The following ZNF75D variants were observed in gnomAD, a reference collection of about 807,000 sequenced individuals.
The protein encoded by ZNF75D is zinc finger protein 75D.
Under a neutral mutation model 33.3 loss-of-function variants are expected in ZNF75D, and 33 were observed. That is an observed-to-expected ratio of 0.99 (90% CI 0.75 to 1.32). The LOEUF (loss-of-function observed/expected upper bound fraction) is 1.32. ZNF75D is among the 40% of genes most tolerant of loss of function. The pLI is 0.00. For missense variants in ZNF75D, 338 were observed against 367.5 expected, an observed-to-expected ratio of 0.92 and a Z score of 0.66; for synonymous variants, 113 against 130.6, an observed-to-expected ratio of 0.87 and a Z score of 0.92.
intron 1 of ZNF75D, among the ~76,000 whole-genome samples, chrX:135,257,385 T>C (rs2083808782): frequency 8.9e-6 from 1 of 112,572 alleles, no homozygotes; most frequent in Non-Finnish European, 1.9e-5. Context: ...CTGACAGAAC[T>C]CCCCATGGAC....
In ZNF75D at chrX:135,287,479, T is replaced by C. The variant is rs367866888; in HGVS notation, c.1191A>G (p.Gln397=). The C allele has an allele frequency of 3.3e-5, 40 of 1,210,793 alleles. No homozygotes were observed. Among genetic ancestry groups the C allele is most frequent in the Non-Finnish European group, 4.4e-5 (39 of 894,728 alleles). The stretch of plus-strand genomic sequence containing the variant: ...AACTCCATCTAAACCTCCTGTCACA[T>C]TGTTGACATTTATAGGGTTTCTCTC... The part of the protein sequence containing the change: ...HTGEKPYKCQ[Q]CDRRFRWSSD... Residue 397 remains glutamine (Q), a synonymous_variant, in exon 7 of 7, where the codon CAA becomes CAG. Transcript: ENST00000370766.
intron 1 of ZNF75D, among the ~76,000 whole-genome samples, chrX:135,271,310 A>T (rs2083882291): frequency 8.9e-6 from 1 of 112,212 alleles, no homozygotes; most frequent in Non-Finnish European, 1.9e-5. Context: ...TGTGGCTCTC[A>T]TAGCATGACT....
chrX:135,275,639 C>CTA (rs1331101152), intron 1 of ZNF75D, among the ~76,000 whole-genome samples: 13 of 109,903 alleles, frequency 1.2e-4, no homozygotes, highest in Non-Finnish European at 1.9e-4. Flanking sequence ...ACATATAAAA[C>CTA]TATATATATA....
At chrX:135,303,905 A>G (rs1162617050) in intron 1 of ZNF75D, among the ~76,000 whole-genome samples, 2 of 112,756 alleles carry the variant, frequency 1.8e-5, no homozygotes, top group Non-Finnish European at 3.8e-5. Flanking sequence ...CAACTCTTTT[A>G]AAGTTAATCC....
chrX:135,274,269 G>A lies in ZNF75D; in HGVS notation n.828-18492C>T, dbSNP rs139922559. 7.9e-4 allele frequency among the ~76,000 whole-genome samples: 89 copies of A among 112,049 alleles called. No individual in the cohort carries two copies. The East Asian group carries it at 0.024, about 31-fold the overall frequency. ...GTCTACGCAATTTTCAAGTTCACAT[G>A]ACTTAAGTGTAACTTTACTAAACAT... On this transcript the variant is annotated intron_variant and non_coding_transcript_variant, in intron 1 of 3. Coordinates refer to the ZNF75D transcript ENST00000494295.
intron 1 of ZNF75D, among the ~76,000 whole-genome samples, chrX:135,266,140 A>T (rs1390950444): frequency 2.7e-5 from 3 of 111,794 alleles, no homozygotes; most frequent in South Asian, 3.7e-4. Flanking sequence ...CAAAAATAAA[A>T]TGCAAGAAAT....
At chrX:135,264,988 A>G (rs1406100010) in intron 1 of ZNF75D, among the ~76,000 whole-genome samples, 2 of 112,401 alleles carry the variant, frequency 1.8e-5, no homozygotes, top group Non-Finnish European at 3.8e-5. Context: ...TGGGAGGCCA[A>G]GGCGGGCAGA....
In ZNF75D at chrX:135,295,927, C is replaced by G. The variant is rs781933525; in HGVS notation, c.-278G>C. 2 of 111,245 alleles carry G rather than the reference C, an allele frequency of 1.8e-5. No individual in the cohort carries two copies. Among genetic ancestry groups the G allele is most frequent in the Admixed American group, 1.9e-4 (2 of 10,516 alleles). The allele number at this position is 111,245 out of a possible 1,213,427, so 9.2% of individuals were successfully genotyped here. ...CGTCAGGAAAGCGCGGGATGCCTGG[C>G]GAGTGAAGCTCCAAGATGTGGGGAG... On this transcript the variant is annotated 5_prime_UTR_variant, in exon 2 of 7. Coordinates refer to ENST00000370766, the MANE Select transcript of ZNF75D (RefSeq NM_007131.5).
chrX:135,340,379 A>G (rs1414068952), intron 1 of ZNF75D, among the ~76,000 whole-genome samples: 2 of 111,965 alleles, frequency 1.8e-5, no homozygotes, highest in East Asian at 2.8e-4. Flanking sequence ...CAAATCCCCA[A>G]AATTATAAGT....
rs1200060567 is a variant in ZNF75D at position 135,342,135 on chromosome X, G to T, written c.-758C>A. The T allele has an allele frequency of 8.9e-6, 1 of 112,019 alleles. No individual in the cohort carries two copies. Among genetic ancestry groups the T allele is most frequent in the South Asian group, 3.7e-4 (1 of 2,705 alleles). The allele number at this position is 112,019 out of a possible 1,213,427, so 9.2% of individuals were successfully genotyped here. A position where few individuals can be genotyped will look rare whatever the true frequency, so the allele number is the denominator to read the frequency against. ...CAACACACTAGTCTGTTACACTGATGACATGCTAATTAGACCTAGTGAACA... is the reference window on the plus strand; with the variant it reads ...CAACACACTAGTCTGTTACACTGATTACATGCTAATTAGACCTAGTGAACA... On this transcript the variant is annotated 5_prime_UTR_variant, in exon 1 of 7. It introduces an in-frame stop codon into an upstream open reading frame of the 5' UTR. Coordinates refer to ENST00000370766, the MANE Select transcript of ZNF75D (RefSeq NM_007131.5).
rs782562753 is a variant in ZNF75D at position 135,294,530 on chromosome X, G to A, written c.-118-272C>T. On this transcript the variant is annotated intron_variant, in intron 2 of 6. Transcript: ENST00000370766. ...CCTGTTTTTTTTTTTAACAGTTGAG[G>A]AAAGATTGGTGGGTGAGAAAACTGG... Among the ~76,000 whole-genome samples, 49 of 110,592 alleles carry A rather than the reference G, an allele frequency of 4.4e-4. 1 individual carries two copies. In the Middle Eastern group the frequency reaches 0.018, roughly 42 times the overall value.
chrX:135,261,387 G>T (rs1449368503), intron 1 of ZNF75D, among the ~76,000 whole-genome samples: 1 of 111,831 alleles, frequency 8.9e-6, no homozygotes, highest in Non-Finnish European at 1.9e-5. Context: ...GTCTAATATT[G>T]ACAGTGGGGT....
intron 1 of ZNF75D, among the ~76,000 whole-genome samples, chrX:135,263,679 A>G (rs2083851952): frequency 8.9e-6 from 1 of 112,757 alleles, no homozygotes; most frequent in African/African-American, 3.2e-5. Flanking sequence ...GGAAAAGTAC[A>G]GTATTTGGGC....
chrX:135,287,270 T>C lies in ZNF75D; in HGVS notation c.1400A>G (p.His467Arg). The C allele has an allele frequency of 8.3e-7, 1 of 1,211,924 alleles. No individual in the cohort carries two copies. Among genetic ancestry groups the C allele is most frequent in the Non-Finnish European group, 1.1e-6 (1 of 895,401 alleles). Reference protein sequence around the residue: ...RFIQNSHLIKHQRTHTGEQPY... With the variant: ...RFIQNSHLIKRQRTHTGEQPY... Reference sequence around the variant, plus strand: ...CTGCTCACCTGTGTGAGTTCTCTGGTGTTTAATAAGGTGGGAGTTCTGAAT... The same window carrying C: ...CTGCTCACCTGTGTGAGTTCTCTGGCGTTTAATAAGGTGGGAGTTCTGAAT... The change falls in exon 7 of 7, where the codon CAC becomes CGC. Residue 467 changes from histidine (H) to arginine (R), a missense_variant. His to Arg is a conservative substitution (Grantham distance 29). Transcript: ENST00000370766.
In ZNF75D at chrX:135,342,613, A is replaced by G. The variant is rs1476649355; in HGVS notation, c.-1236T>C. ...AGCTGCTCCTGTTCCTCTCAATTAG[A>G]CAAGCTTACTTGGGTGGCCCTGGGG... On this transcript the variant is annotated 5_prime_UTR_variant, in exon 1 of 7. Transcript: ENST00000370766. 1.8e-5 allele frequency: 2 copies of G among 111,599 alleles called. No individual in the cohort carries two copies. The highest frequency in any genetic ancestry group is 3.7e-5 in the Non-Finnish European group (2 of 53,380). The allele number at this position is 111,599 out of a possible 1,213,427, so 9.2% of individuals were successfully genotyped here. A position where few individuals can be genotyped will look rare whatever the true frequency, so the allele number is the denominator to read the frequency against.
At chrX:135,257,646 T>C (rs2083811670) in intron 1 of ZNF75D, among the ~76,000 whole-genome samples, 1 of 112,525 alleles carries the variant, frequency 8.9e-6, no homozygotes, top group Non-Finnish European at 1.9e-5. Context: ...TGGCTTCACG[T>C]CAGGCCCAGT....
intron 3 of ZNF75D, among the ~76,000 whole-genome samples, chrX:135,292,823 C>T (rs1411633710): frequency 3.6e-5 from 4 of 111,534 alleles, no homozygotes; most frequent in East Asian, 5.6e-4. Context: ...TGACTTGGAT[C>T]CTTGTTTTAG....
intron 1 of ZNF75D, among the ~76,000 whole-genome samples, chrX:135,272,843 T>C (rs1460301919): frequency 8.9e-6 from 1 of 111,748 alleles, no homozygotes; most frequent in Non-Finnish European, 1.9e-5. Context: ...CTTTATTCTC[T>C]TCATTTATGT....
chrX:135,298,349 T>C (rs782114122), intron 1 of ZNF75D: 11 of 111,984 alleles, frequency 9.8e-5, no homozygotes, highest in African/African-American at 3.2e-4. Flanking sequence ...TAAATTTAAA[T>C]GATGTGCTGT....
Sources: gnomAD v4.1 joint callset for allele counts (sites outside exome capture counted in the v4.1 genomes callset) on GRCh38, gnomAD v4.1.1 for gene constraint, MANE v1.5 for transcripts, NCBI Gene and HGNC (gene_info 2026-07-23, HGNC 2026-07-21) for gene names.